ARHGAP32: variants seen among roughly 807,000 people sequenced by gnomAD.
ARHGAP32 encodes the protein rho GTPase-activating protein 32.
A neutral mutation model predicts 186.5 loss-of-function variants in ARHGAP32; 51 were observed. The observed-to-expected ratio is 0.27, with a 90% CI of 0.22 to 0.35. The LOEUF is 0.35. ARHGAP32 is among the 10% of genes least tolerant of loss of function. The pLI is 1.00. For synonymous variants in ARHGAP32, 950 were observed against 964.3 expected, an observed-to-expected ratio of 0.99 and a Z score of 0.27; for missense variants, 2,186 against 2,623.5, an observed-to-expected ratio of 0.83 and a Z score of 3.64.
At chr11:129,164,219 C>A (rs1943588129) in intron 2 of ARHGAP32, 100 bp downstream of exon 2, 5 of 711,566 alleles carry the variant, frequency 7.0e-6, no homozygotes, top group Non-Finnish European at 1.1e-5. Context: ...AACAAAGCAA[C>A]AAAATTTTTT....
rs369373375 is a variant in ARHGAP32, at chr11:129,124,939, T to C, written c.226-45A>G. On this transcript the variant is annotated intron_variant, in intron 2 of 22. Coordinates refer to ENST00000682385, the MANE Select transcript of ARHGAP32 (RefSeq NM_001378024.1). ...ATATTTATGGCTATTACTTTAGTAT[T>C]ACACTTTTTTAAAAAGCAGGTTATA... The C allele has an allele frequency of 2.8e-6, 4 of 1,434,548 alleles. No homozygotes were observed. In the African/African-American group the frequency reaches 4.3e-5, roughly 15 times the overall value. The allele number at this position is 1,434,548 out of a possible 1,614,324, so 88.9% of individuals were successfully genotyped here.
At chr11:129,188,939 A>T (rs1196599984) in intron 1 of ARHGAP32, among the ~76,000 whole-genome samples, 1 of 152,202 alleles carries the variant, frequency 6.6e-6, no homozygotes, top group South Asian at 2.1e-4. Context: ...AGGGAAGTCT[A>T]AACAAAATCA....
chr11:129,107,346 A>G (rs886496771), intron 5 of ARHGAP32, among the ~76,000 whole-genome samples: 3 of 152,210 alleles, frequency 2.0e-5, no homozygotes, highest in African/African-American at 4.8e-5. Flanking sequence ...ATATAAAAGG[A>G]CACTAGACAG....
intron 1 of ARHGAP32, among the ~76,000 whole-genome samples, chr11:129,184,764 A>G (rs2218288): frequency 0.013 from 1,938 of 152,248 alleles, 43 homozygotes; most frequent in African/African-American, 0.045. Context: ...ACAATAAAAA[A>G]GAAACTCTTA....
intron 2 of ARHGAP32, among the ~76,000 whole-genome samples, chr11:129,134,039 T>G (rs1429675991): frequency 6.6e-6 from 1 of 152,074 alleles, no homozygotes; most frequent in Non-Finnish European, 1.5e-5. Context: ...AAGTATAAAA[T>G]AATAATTTTA....
At chr11:129,020,634 T>C (rs920828568) in intron 11 of ARHGAP32, among the ~76,000 whole-genome samples, 7 of 152,118 alleles carry the variant, frequency 4.6e-5, no homozygotes, top group African/African-American at 1.2e-4. Flanking sequence ...CTGTATGTTC[T>C]GAACTTCTGA....
chr11:129,063,945 A>G lies in ARHGAP32; in HGVS notation c.842T>C (p.Ile281Thr), dbSNP rs369845516. Residue 281 changes from isoleucine to threonine, a missense_variant, in exon 9 of 23, where the codon ATC (isoleucine) becomes ACC (threonine). Physicochemically the swap from Ile to Thr is moderately conservative, Grantham distance 89. Transcript: ENST00000682385. ...AGGGGCCCGAGCAGTGTACCTCTTG[A>G]TAACATGGGCAGCACCGACAGCAGG... Reference protein sequence around the residue: ...NTPAVGAAHVIKRYTARAPDE... With the variant: ...NTPAVGAAHVTKRYTARAPDE... The G allele has an allele frequency of 1.1e-5, 17 of 1,612,906 alleles. No individual in the cohort carries two copies. The highest frequency in any genetic ancestry group is 1.4e-5 in the Non-Finnish European group (17 of 1,179,318).
At chr11:129,264,079 G>A (rs926669296) in intron 1 of ARHGAP32, among the ~76,000 whole-genome samples, 24 of 152,184 alleles carry the variant, frequency 1.6e-4, no homozygotes, top group South Asian at 2.1e-4. Context: ...AAATCCTTCC[G>A]CATGCTACAA....
chr11:129,229,839 G>A (rs550523168), intron 1 of ARHGAP32, among the ~76,000 whole-genome samples: 1 of 151,944 alleles, frequency 6.6e-6, no homozygotes, highest in East Asian at 1.9e-4. Context: ...TTTGGGGGTG[G>A]GAGGCAGGGT....
intron 10 of ARHGAP32, among the ~76,000 whole-genome samples, chr11:129,045,587 A>G (rs631384): frequency 0.64 from 97,227 of 152,040 alleles, 31,434 homozygotes; most frequent in Middle Eastern, 0.71. Context: ...ATACTTTTCT[A>G]ATGAATACTT....
At chr11:128,981,136 TTTC>T (rs1945695153) in intron 17 of ARHGAP32, among the ~76,000 whole-genome samples, 1 of 152,212 alleles carries the variant, frequency 6.6e-6, no homozygotes, top group African/African-American at 2.4e-5. Flanking sequence ...GGAAGCAATT[TTTC>T]TTCTTCTGTT....
intron 1 of ARHGAP32, among the ~76,000 whole-genome samples, chr11:129,177,803 T>C (rs934197659): frequency 3.3e-5 from 5 of 152,152 alleles, no homozygotes; most frequent in Non-Finnish European, 5.9e-5. Context: ...TAATAAGAGC[T>C]ATCTATGACA....
chr11:128,965,281 G>A lies in ARHGAP32; in HGVS notation c.*3626C>T, dbSNP rs1272909066. On this transcript the variant is annotated 3_prime_UTR_variant, in exon 23 of 23. Coordinates refer to ENST00000682385, the MANE Select transcript of ARHGAP32 (RefSeq NM_001378024.1). ...ATGAGACTCTAAATATTTACATATG[G>A]GGCAAGAAATAAATCACAAAACTAT... is the stretch of plus-strand genomic sequence containing the variant. 1 of 151,458 alleles carries A rather than the reference G, an allele frequency of 6.6e-6. No homozygotes were observed. The highest frequency in any genetic ancestry group is 1.5e-5 in the Non-Finnish European group (1 of 67,954). 9.4% of individuals were successfully genotyped at this position (151,458 alleles called of 1,614,324 possible). A position where few individuals can be genotyped will look rare whatever the true frequency, so the allele number is the denominator to read the frequency against.
chr11:129,212,833 CTAT>C (rs1393126907), intron 1 of ARHGAP32, among the ~76,000 whole-genome samples: 3 of 151,570 alleles, frequency 2.0e-5, no homozygotes, highest in Non-Finnish European at 4.4e-5. Flanking sequence ...ACATGTACAA[CTAT>C]TATGTATCCA....
intron 10 of ARHGAP32, among the ~76,000 whole-genome samples, chr11:129,059,354 T>C (rs1470956681): frequency 6.6e-6 from 1 of 152,198 alleles, no homozygotes; most frequent in African/African-American, 2.4e-5. Flanking sequence ...AGCTATACTT[T>C]GCAGGTAACA....
chr11:129,183,060 A>G (rs1444323508), intron 1 of ARHGAP32, among the ~76,000 whole-genome samples: 6 of 152,150 alleles, frequency 3.9e-5, no homozygotes, highest in African/African-American at 1.4e-4. Flanking sequence ...GTGAATATTC[A>G]GTTTCTCCAA....
At chr11:129,037,358 G>A (rs565765922) in intron 11 of ARHGAP32, among the ~76,000 whole-genome samples, 59 of 150,768 alleles carry the variant, frequency 3.9e-4, no homozygotes, top group Admixed American at 9.2e-4. Context: ...TCCTGGCACA[G>A]TGGCACATGC....
chr11:129,062,217 T>C (rs2135138322), intron 10 of ARHGAP32, 63 bp downstream of exon 10: 1 of 1,409,210 alleles, frequency 7.1e-7, no homozygotes, highest in East Asian at 2.3e-5. Flanking sequence ...TAAACAAAAG[T>C]ATTACTGAAT....
rs989670860 is a variant in ARHGAP32, at chr11:128,965,449, G to C, written c.*3458C>G. 5.3e-5 allele frequency: 8 copies of C among 152,088 alleles called. No homozygotes were observed. The highest frequency in any genetic ancestry group is 3.3e-4 in the Admixed American group (5 of 15,270). 9.4% of individuals were successfully genotyped at this position (152,088 alleles called of 1,614,324 possible). A position where few individuals can be genotyped will look rare whatever the true frequency, so the allele number is the denominator to read the frequency against. The stretch of plus-strand genomic sequence containing the variant: ...TTCCTAGGATGCTTCTCTCATGCAG[G>C]TCATGGTTGAAAAATCAGGTTTTGC... On this transcript the variant is annotated 3_prime_UTR_variant, in exon 23 of 23. Transcript: ENST00000682385.
Sources: allele counts gnomAD v4.1 joint callset (sites outside exome capture counted in the v4.1 genomes callset), GRCh38; gene constraint gnomAD v4.1.1; transcripts MANE v1.5; gene names NCBI Gene and HGNC (gene_info 2026-07-23, HGNC 2026-07-21).